The following KCNMA1 variants were observed in gnomAD, a reference collection of about 807,000 sequenced individuals.
KCNMA1 encodes the protein potassium calcium-activated channel subfamily M alpha 1, also known as Calcium-activated potassium channel subunit alpha-1.
Under a neutral mutation model 140.0 loss-of-function variants are expected in KCNMA1, and 29 were observed. That is an observed-to-expected ratio of 0.21 (90% CI 0.15 to 0.28). The LOEUF (loss-of-function observed/expected upper bound fraction) is 0.28, where lower values mean the gene tolerates loss of function less well. Ranked by LOEUF, KCNMA1 falls within the 10% of genes least tolerant of loss-of-function variation. The probability of loss-of-function intolerance (pLI) is 1.00; values close to 1 mark genes in which losing one functional copy is unlikely to be tolerated. For missense variants in KCNMA1, 880 were observed against 1,602.2 expected, an observed-to-expected ratio of 0.55 and a Z score of 7.70; for synonymous variants, 612 against 611.9, an observed-to-expected ratio of 1.00 and a Z score of 0.00.
At chr10:77,222,940 T>TA (rs2050146139) in intron 3 of KCNMA1, among the ~76,000 whole-genome samples, 1 of 152,178 alleles carries the variant, frequency 6.6e-6, no homozygotes, top group African/African-American at 2.4e-5. Context: ...TAAAGAATTT[T>TA]AATTTGGGGC....
chr10:77,161,744 AT>A (rs1225302395), intron 5 of KCNMA1, among the ~76,000 whole-genome samples: 1 of 152,218 alleles, frequency 6.6e-6, no homozygotes, highest in East Asian at 1.9e-4. Context: ...CTCTGCATAC[AT>A]TTAAATGCAT....
intron 14 of KCNMA1, among the ~76,000 whole-genome samples, chr10:77,069,480 C>G (rs1464699690): frequency 6.6e-6 from 1 of 152,056 alleles, no homozygotes; most frequent in Admixed American, 6.5e-5. Context: ...ACTGCAGAAG[C>G]TGTAGAGGGC....
chr10:77,546,695 G>A (rs766025705), intron 1 of KCNMA1, among the ~76,000 whole-genome samples: 5 of 152,244 alleles, frequency 3.3e-5, no homozygotes, highest in East Asian at 1.9e-4. Context: ...TGCTCACTCC[G>A]TGGTAGCATG....
chr10:77,625,465 A>G (rs1416115033), intron 1 of KCNMA1, among the ~76,000 whole-genome samples: 1 of 152,002 alleles, frequency 6.6e-6, no homozygotes, highest in African/African-American at 2.4e-5. Flanking sequence ...TGTGCATCCC[A>G]TCTCCAGAAC....
chr10:77,125,608 C>T (rs1173728458), intron 5 of KCNMA1, among the ~76,000 whole-genome samples: 2 of 152,224 alleles, frequency 1.3e-5, no homozygotes, highest in African/African-American at 4.8e-5. Flanking sequence ...CTCTTTCCTG[C>T]TTCACTTTTC....
rs763598041 is a variant in KCNMA1 at position 76,914,996 on chromosome 10, C to G, written c.2956G>C (p.Gly986Arg). Residue 986 changes from glycine to arginine, a missense_variant, in exon 24 of 28, where the codon GGG becomes CGG. This residue lies in a region of KCNMA1 where 44 missense variants were observed against 58.2 expected (regional missense o/e 0.76). Transcript: ENST00000286628. ...GTGATGGATGGTTGACGTAACATCC[C>G]GTGCACTGGGCTGTTATCTGGAGAG... ...RSSPDNSPVH[G>R]MLRQPSITTG... The G allele has an allele frequency of 2.1e-5, 34 of 1,613,528 alleles. No homozygotes were observed. Among genetic ancestry groups the G allele is most frequent in the African/African-American group, 4.0e-5 (3 of 74,874 alleles).
intron 3 of KCNMA1, among the ~76,000 whole-genome samples, chr10:77,233,767 C>T (rs532814305): frequency 7.9e-5 from 12 of 152,258 alleles, no homozygotes; most frequent in South Asian, 4.1e-4. Flanking sequence ...CTAATAAATT[C>T]GGAGGACCGA....
chr10:77,202,492 G>A (rs1020837169), intron 3 of KCNMA1, among the ~76,000 whole-genome samples: 3 of 152,140 alleles, frequency 2.0e-5, no homozygotes, highest in African/African-American at 4.8e-5. Flanking sequence ...CGTACAGTTG[G>A]TGCAGGCTAA....
At chr10:77,070,148 C>A (rs117339394) in intron 14 of KCNMA1, among the ~76,000 whole-genome samples, 1 of 152,012 alleles carries the variant, frequency 6.6e-6, no homozygotes, top group Non-Finnish European at 1.5e-5. Context: ...AAACATATCA[C>A]CCCCACTTTC....
At chr10:77,137,653 C>T (rs893513715) in intron 5 of KCNMA1, among the ~76,000 whole-genome samples, 5 of 152,194 alleles carry the variant, frequency 3.3e-5, no homozygotes, top group African/African-American at 1.2e-4. Context: ...GACTGTCTCG[C>T]TTCCTCTCAA....
intron 5 of KCNMA1, among the ~76,000 whole-genome samples, chr10:77,144,379 A>C (rs2098246806): frequency 6.6e-6 from 1 of 152,202 alleles, no homozygotes; most frequent in African/African-American, 2.4e-5. Flanking sequence ...AGACTAATCT[A>C]TAGTGATTGA....
intron 25 of KCNMA1, among the ~76,000 whole-genome samples, chr10:76,893,097 G>A (rs1344209260): frequency 1.3e-5 from 2 of 152,172 alleles, no homozygotes; most frequent in African/African-American, 2.4e-5. Context: ...GAGCTGGGCT[G>A]AGGGGTTTAA....
intron 1 of KCNMA1, among the ~76,000 whole-genome samples, chr10:77,603,630 G>A (rs2673436): frequency 0.58 from 87,481 of 151,890 alleles, 27,305 homozygotes; most frequent in African/African-American, 0.81. Flanking sequence ...AGCTGGGGCC[G>A]TAAGTCAGGC....
At chr10:77,635,226 C>T (rs2093624054) in intron 1 of KCNMA1, 2 of 152,146 alleles carry the variant, frequency 1.3e-5, no homozygotes, top group South Asian at 2.1e-4. Context: ...TTTGTGTGTG[C>T]GATGGGATTA....
intron 2 of KCNMA1, 41 bp downstream of exon 2, chr10:77,403,820 GA>G (rs750371660): frequency 6.3e-7 from 1 of 1,586,346 alleles, no homozygotes; most frequent in South Asian, 1.1e-5. Context: ...CCTTGGCCCA[GA>G]CAGCAAGGCC....
At chr10:77,354,003 G>GGGGGC in intron 2 of KCNMA1, among the ~76,000 whole-genome samples, 1 of 135,918 alleles carries the variant, frequency 7.4e-6, no homozygotes, top group East Asian at 2.6e-4. Context: ...GAGGGGTGGG[G>GGGGGC]ATGGAGTCTT....
intron 26 of KCNMA1, among the ~76,000 whole-genome samples, chr10:76,890,201 C>A (rs1417662792): frequency 6.6e-6 from 1 of 152,190 alleles, no homozygotes; most frequent in Non-Finnish European, 1.5e-5. Flanking sequence ...AGTTCACAGC[C>A]ACCTTCCCGG....
At chr10:77,244,014 C>G (rs968738250) in intron 3 of KCNMA1, among the ~76,000 whole-genome samples, 1 of 152,154 alleles carries the variant, frequency 6.6e-6, no homozygotes, top group African/African-American at 2.4e-5. Flanking sequence ...TAAAGTTTCC[C>G]CCATGATAAG....
At chr10:77,397,369 C>T (rs1369958172) in intron 2 of KCNMA1, among the ~76,000 whole-genome samples, 1 of 152,146 alleles carries the variant, frequency 6.6e-6, no homozygotes, top group Non-Finnish European at 1.5e-5. Flanking sequence ...GTTGTATTGA[C>T]ATATAATAGT....
Sources: gnomAD v4.1 joint callset for allele counts (sites outside exome capture counted in the v4.1 genomes callset) on GRCh38, gnomAD v4.1.1 for gene constraint, gnomAD v4.1.1 regional missense constraint, MANE v1.5 for transcripts, NCBI Gene and HGNC (gene_info 2026-07-23, HGNC 2026-07-21) for gene names.